The following SLC25A21 variants were observed in gnomAD, a reference collection of about 807,000 sequenced individuals.
SLC25A21 encodes the protein mitochondrial 2-oxodicarboxylate carrier.
SLC25A21 carries 47 observed loss-of-function variants against 43.8 expected under a neutral mutation model. That is an observed-to-expected ratio of 1.07 (90% CI 0.85 to 1.37). The LOEUF (loss-of-function observed/expected upper bound fraction) is 1.37, where lower values mean the gene tolerates loss of function less well. Ranked by LOEUF, SLC25A21 falls within the 40% of genes most tolerant of loss-of-function variation. The probability of loss-of-function intolerance (pLI) is 0.00; values close to 1 mark genes in which losing one functional copy is unlikely to be tolerated. For synonymous variants in SLC25A21, 131 were observed against 121.3 expected (o/e 1.08, Z -0.52); for missense variants, 352 against 350.2 (o/e 1.00, Z -0.04).
chr14:36,982,180 G>C (rs2056355), intron 1 of SLC25A21, among the ~76,000 whole-genome samples: 30,649 of 152,124 alleles, frequency 0.2, 3,321 homozygotes, highest in East Asian at 0.35. Flanking sequence ...TTTCAGAATA[G>C]AATCAAACTA....
At chr14:36,769,923 CT>C (rs1886553962) in intron 3 of SLC25A21, among the ~76,000 whole-genome samples, 1 of 152,162 alleles carries the variant, frequency 6.6e-6, no homozygotes, top group Non-Finnish European at 1.5e-5. Flanking sequence ...ATCATGGATC[CT>C]TGTGTGAAGA....
chr14:36,904,444 C>T (rs1288490379), intron 1 of SLC25A21, among the ~76,000 whole-genome samples: 1 of 152,056 alleles, frequency 6.6e-6, no homozygotes, highest in Non-Finnish European at 1.5e-5. Context: ...GAGAAAGAGC[C>T]TCTAGGAAAA....
intron 3 of SLC25A21, among the ~76,000 whole-genome samples, chr14:36,795,038 A>G (rs1887627999): frequency 6.6e-6 from 1 of 152,102 alleles, no homozygotes. Context: ...GACTTTCTCA[A>G]TTAAGGGGAA....
chr14:37,117,619 G>A (rs1253599331), intron 1 of SLC25A21, among the ~76,000 whole-genome samples: 1 of 152,070 alleles, frequency 6.6e-6, no homozygotes, highest in Admixed American at 6.6e-5. Flanking sequence ...CTCTCCACAT[G>A]GGAATACAAA....
intron 7 of SLC25A21, among the ~76,000 whole-genome samples, chr14:36,696,470 T>A (rs1250427620): frequency 1.3e-5 from 2 of 152,190 alleles, no homozygotes; most frequent in Admixed American, 6.5e-5. Flanking sequence ...TTGGAATAGT[T>A]TCAGAAGGAA....
chr14:36,928,581 T>C (rs1892196880), intron 1 of SLC25A21, among the ~76,000 whole-genome samples: 1 of 152,168 alleles, frequency 6.6e-6, no homozygotes, highest in African/African-American at 2.4e-5. Flanking sequence ...TAGGTCTGGG[T>C]TACAATGAGT....
intron 1 of SLC25A21, among the ~76,000 whole-genome samples, chr14:36,995,891 T>C (rs1022717250): frequency 2.6e-5 from 4 of 152,168 alleles, no homozygotes; most frequent in Admixed American, 1.3e-4. Context: ...TAGCTAACAA[T>C]TGGTATCACT....
chr14:36,846,984 C>T (rs928580610), intron 2 of SLC25A21, among the ~76,000 whole-genome samples: 4 of 152,188 alleles, frequency 2.6e-5, no homozygotes, highest in African/African-American at 7.2e-5. Context: ...AAAAGCTTAC[C>T]TGAAAAGAAG....
intron 1 of SLC25A21, among the ~76,000 whole-genome samples, chr14:37,153,347 A>T (rs1955764): frequency 2.6e-5 from 4 of 152,176 alleles, no homozygotes; most frequent in Non-Finnish European, 4.4e-5. Context: ...TGCTGGAATG[A>T]GGAGTAAGAT....
intron 3 of SLC25A21, among the ~76,000 whole-genome samples, chr14:36,751,452 T>C (rs370662386): frequency 6.6e-6 from 1 of 152,190 alleles, no homozygotes; most frequent in Non-Finnish European, 1.5e-5. Context: ...GAAGCAACAC[T>C]GCATGGGGAG....
At chr14:36,697,738 C>CTTTTT (rs757711209) in intron 7 of SLC25A21, among the ~76,000 whole-genome samples, 2 of 111,662 alleles carry the variant, frequency 1.8e-5, no homozygotes, top group African/African-American at 3.4e-5. Flanking sequence ...GCAAGCCCTA[C>CTTTTT]TTTTTTTTTT....
At chr14:37,067,049 GAA>G (rs1555344989) in intron 1 of SLC25A21, among the ~76,000 whole-genome samples, 2 of 152,028 alleles carry the variant, frequency 1.3e-5, no homozygotes, top group Non-Finnish European at 2.9e-5. Flanking sequence ...ATGTAAATAC[GAA>G]AGAGAGATTA....
chr14:37,169,772 A>C lies in SLC25A21; in HGVS notation c.70+2509T>G, dbSNP rs1276314372. 3.9e-5 allele frequency among the ~76,000 whole-genome samples: 6 copies of C among 152,248 alleles called. No individual in the cohort carries two copies. The East Asian group carries it at 9.6e-4, about 24-fold the overall frequency. ...TAGCCCACATGTACTACAGTGCAAT[A>C]AAGATAAAGTTTTATGAAAATGTTT... On this transcript the variant is annotated intron_variant, in intron 1 of 9. Coordinates refer to ENST00000331299, the MANE Select transcript of SLC25A21 (RefSeq NM_030631.4).
intron 9 of SLC25A21, among the ~76,000 whole-genome samples, chr14:36,681,639 A>G (rs776689520): frequency 6.8e-6 from 1 of 146,890 alleles, no homozygotes; most frequent in Non-Finnish European, 1.5e-5. Context: ...AACACAACTT[A>G]GAGAAGACTT....
chr14:36,835,811 CTTCCTTCTCA>C (rs1889189989), intron 2 of SLC25A21, among the ~76,000 whole-genome samples: 1 of 152,192 alleles, frequency 6.6e-6, no homozygotes, highest in Admixed American at 6.5e-5. Context: ...TTTTCTCCAT[CTTCCTTCTCA>C]GAGGGCCAGC....
chr14:36,723,140 G>C (rs1233253195), intron 6 of SLC25A21, among the ~76,000 whole-genome samples: 1 of 152,186 alleles, frequency 6.6e-6, no homozygotes, highest in African/African-American at 2.4e-5. Context: ...CTAGATAAAA[G>C]ACCTATAAGA....
At chr14:36,762,228 A>G (rs1027868895) in intron 3 of SLC25A21, among the ~76,000 whole-genome samples, 3 of 152,206 alleles carry the variant, frequency 2.0e-5, no homozygotes, top group African/African-American at 7.2e-5. Flanking sequence ...TTCCTATTGG[A>G]TGCTTACTAT....
At chr14:36,762,523 T>C (rs1388806944) in intron 3 of SLC25A21, among the ~76,000 whole-genome samples, 1 of 152,234 alleles carries the variant, frequency 6.6e-6, no homozygotes, top group Admixed American at 6.5e-5. Context: ...AGCACAATCA[T>C]GGGATATTTA....
chr14:37,110,887 T>C (rs946274311), intron 1 of SLC25A21, among the ~76,000 whole-genome samples: 1 of 152,088 alleles, frequency 6.6e-6, no homozygotes, highest in East Asian at 1.9e-4. Flanking sequence ...TTTCCTATTT[T>C]ATGCCAAACC....
Sources: allele counts gnomAD v4.1 joint callset (sites outside exome capture counted in the v4.1 genomes callset), GRCh38; gene constraint gnomAD v4.1.1; transcripts MANE v1.5; gene names NCBI Gene and HGNC (gene_info 2026-07-23, HGNC 2026-07-21).